SMC3: variants seen among roughly 807,000 people sequenced by gnomAD.
SMC3 encodes structural maintenance of chromosomes 3.
In SMC3, 20 loss-of-function variants were observed where a neutral mutation model predicts 171.8. That is an observed-to-expected ratio of 0.12 (90% CI 0.08 to 0.17). The LOEUF (loss-of-function observed/expected upper bound fraction) is 0.17, where lower values mean the gene tolerates loss of function less well. Ranked by LOEUF, SMC3 falls within the 10% of genes least tolerant of loss-of-function variation. The probability of loss-of-function intolerance (pLI) is 1.00; values close to 1 mark genes in which losing one functional copy is unlikely to be tolerated. For missense variants in SMC3, 543 were observed against 1,420.4 expected, an observed-to-expected ratio of 0.38 and a Z score of 9.93; for synonymous variants, 464 against 451.1, an observed-to-expected ratio of 1.03 and a Z score of -0.36.
At chr10:110,573,039 T>C (rs1241240444) in intron 2 of SMC3, among the ~76,000 whole-genome samples, 1 of 152,152 alleles carries the variant, frequency 6.6e-6, no homozygotes, top group East Asian at 1.9e-4. Context: ...TTTTTGAGAT[T>C]TACTTTGCAT....
At chr10:110,594,984 T>A (rs1201744107) in intron 18 of SMC3, among the ~76,000 whole-genome samples, 1 of 148,346 alleles carries the variant, frequency 6.7e-6, no homozygotes, top group East Asian at 2.0e-4. Context: ...GCATATAGTG[T>A]CTTCTCTTTA....
At position 110,574,376 on chromosome 10, in the gene SMC3, A is replaced by G. The variant is rs541748959; in HGVS notation, c.130+631A>G. On this transcript the variant is annotated intron_variant, in intron 3 of 28. Transcript: ENST00000361804. ...CCTTTGAGGAGAAAAACATTTTAAC[A>G]AAATTAGACAGTTAAGGAGTAGGTT... Among the ~76,000 whole-genome samples, 6 of 152,358 alleles carry G rather than the reference A, an allele frequency of 3.9e-5. No homozygotes were observed. In the South Asian group the frequency reaches 1.0e-3, roughly 26 times the overall value.
chr10:110,570,211 T>G (rs1425586558), intron 2 of SMC3, among the ~76,000 whole-genome samples: 1 of 152,200 alleles, frequency 6.6e-6, no homozygotes, highest in Non-Finnish European at 1.5e-5. Flanking sequence ...GGGGTCCCCA[T>G]GTCCAAATAC....
chr10:110,578,552 A>G, intron 6 of SMC3, 76 bp from the exon 7 acceptor site: 1 of 1,024,274 alleles, frequency 9.8e-7, no homozygotes, highest in Non-Finnish European at 1.5e-6. Context: ...GCTATCAACC[A>G]AGGGGCTACT....
Position 110,590,530 on chromosome 10 carries a change from A to G in SMC3, c.1628A>G (p.Glu543Gly), listed in dbSNP as rs1379152281. ...HGIVMNNFEC[E>G]PAFYTCVEVT... is the part of the protein sequence containing the mutation. ...ATTGTAATGAATAACTTTGAATGTG[A>G]ACCAGCTTTCTACACATGCGTGGAA... Residue 543 changes from glutamate to glycine, a missense_variant, in exon 16 of 29, where the codon GAA (glutamate) becomes GGA (glycine). Physicochemically the swap from Glu to Gly is moderately conservative, Grantham distance 98. Coordinates refer to ENST00000361804, the MANE Select transcript of SMC3 (RefSeq NM_005445.4). 6.2e-7 allele frequency: 1 copy of G among 1,614,034 alleles called. No individual in the cohort carries two copies. The highest frequency in any genetic ancestry group is 8.5e-7 in the Non-Finnish European group (1 of 1,179,984).
intron 19 of SMC3, among the ~76,000 whole-genome samples, chr10:110,597,143 CAAAAA>C (rs11347729): frequency 6.6e-5 from 9 of 135,342 alleles, no homozygotes; most frequent in African/African-American, 1.9e-4. Context: ...GACCCTGTCT[CAAAAA>C]AAAAAAAAAA....
intron 14 of SMC3, 31 bp from the exon 15 acceptor site, chr10:110,589,861 A>C (rs761710090): frequency 6.3e-7 from 1 of 1,587,858 alleles, no homozygotes; most frequent in Non-Finnish European, 8.6e-7. Context: ...ATGTGTTTAA[A>C]ATTAAAGACA....
chr10:110,596,238 AAAAATC>A (rs1211732546), intron 18 of SMC3, among the ~76,000 whole-genome samples, 154 bp from the exon 19 acceptor site: 1 of 151,800 alleles, frequency 6.6e-6, no homozygotes, highest in Non-Finnish European at 1.5e-5. Context: ...AAAAAAAAAA[AAAAATC>A]TAGCATTGAA....
chr10:110,584,500 C>T, intron 13 of SMC3, 104 bp downstream of exon 13: 2 of 774,724 alleles, frequency 2.6e-6, no homozygotes, highest in Middle Eastern at 3.7e-4. Context: ...ACATGTTGCT[C>T]TTAAAATATA....
At chr10:110,580,452 G>C (rs1444063823) in intron 7 of SMC3, among the ~76,000 whole-genome samples, 1 of 152,188 alleles carries the variant, frequency 6.6e-6, no homozygotes, top group Non-Finnish European at 1.5e-5. Context: ...TATTCATAAA[G>C]GAGAGTTATG....
In SMC3 at chr10:110,584,210, G is replaced by T. The variant is rs993737986; in HGVS notation, c.1119G>T (p.Thr373=). The T allele has an allele frequency of 3.7e-6, 6 of 1,612,624 alleles. No homozygotes were observed. In the African/African-American group the frequency reaches 6.7e-5, roughly 18 times the overall value. The part of the protein sequence containing the change: ...ARLAQATQER[T]DLYAKQGRGS... ...TGGCTCAAGCTACCCAGGAAAGAAC[G>T]GATCTTTATGCAAAGCAGGGTCGAG... The change falls in exon 13 of 29, where the codon ACG becomes ACT. Residue 373 remains threonine, a synonymous_variant. Coordinates refer to ENST00000361804, the MANE Select transcript of SMC3 (RefSeq NM_005445.4).
intron 10 of SMC3, 139 bp from the exon 11 acceptor site, chr10:110,583,245 T>C: frequency 1.4e-6 from 1 of 716,620 alleles, no homozygotes; most frequent in African/African-American, 1.8e-5. Flanking sequence ...ATGGAATGAT[T>C]ACACAAGGGA....
chr10:110,568,425 C>G (rs901692292), intron 1 of SMC3: 1 of 166,938 alleles, frequency 6.0e-6, no homozygotes, highest in African/African-American at 2.4e-5. Flanking sequence ...ATGGTCTTCC[C>G]GCGCGGGACT....
In SMC3 at chr10:110,600,544, C is replaced by A; in HGVS notation, c.2533C>A (p.Gln845Lys). The A allele has an allele frequency of 2.8e-6, 4 of 1,453,660 alleles. No individual in the cohort carries two copies. Among genetic ancestry groups the A allele is most frequent in the Non-Finnish European group, 3.9e-6 (4 of 1,035,706 alleles). The allele number at this position is 1,453,660 out of a possible 1,614,324, so 90.0% of individuals were successfully genotyped here. Residue 845 changes from glutamine (Q) to lysine (K), a missense_variant and splice_region_variant, in exon 22 of 29, where the codon CAG becomes AAG. Gln to Lys is a moderately conservative substitution (Grantham distance 53, BLOSUM62 1). Around this residue, in one of 8 missense-constraint regions of SMC3, gnomAD observed 33 missense variants for 33.6 expected, o/e 0.98. Coordinates refer to ENST00000361804, the MANE Select transcript of SMC3 (RefSeq NM_005445.4). ...NLRKRLDQVE[Q>K]ELNELRETEG... ...GAGAAAACGCTTGGACCAAGTAGAA[C>A]AGGTGTGTATGTGTTTTTTTTTTTT...
At chr10:110,578,008 C>T in intron 6 of SMC3, 94 bp downstream of exon 6, 1 of 829,492 alleles carries the variant, frequency 1.2e-6, no homozygotes, top group Non-Finnish European at 2.0e-6. Flanking sequence ...GAACTCTTGG[C>T]CTCAAATGAT....
At chr10:110,571,753 A>G (rs1385411673) in intron 2 of SMC3, among the ~76,000 whole-genome samples, 3 of 152,114 alleles carry the variant, frequency 2.0e-5, no homozygotes. Flanking sequence ...GTCTTTGTAT[A>G]CATCTTTTTA....
intron 9 of SMC3, 83 bp downstream of exon 9, chr10:110,582,181 T>A: frequency 8.4e-7 from 1 of 1,196,202 alleles, no homozygotes; most frequent in Admixed American, 1.9e-5. Context: ...ATTACACTTT[T>A]CAGTGATTTT....
chr10:110,599,707 A>G lies in SMC3; in HGVS notation c.2322A>G (p.Arg774=), dbSNP rs1423122493. 1 of 1,614,184 alleles carries G rather than the reference A, an allele frequency of 6.2e-7. No homozygotes were observed. ...GCTTGCATGCTATGGAGTCTACCAG[A>G]GAGTCATTGAAAGCAGAACTGGGAA... ...EASLHAMEST[R]ESLKAELGTD... The change falls in exon 21 of 29, where the codon AGA becomes AGG. Residue 774 remains arginine (R), a synonymous_variant. Coordinates refer to ENST00000361804, the MANE Select transcript of SMC3 (RefSeq NM_005445.4).
rs1261750314 is a variant in SMC3 at position 110,584,179 on chromosome 10, G to A, written c.1092-4G>A. On this transcript the variant is annotated splice_polypyrimidine_tract_variant and splice_region_variant and intron_variant, in intron 12 of 28. Coordinates refer to ENST00000361804, the MANE Select transcript of SMC3 (RefSeq NM_005445.4). ...TTCATCCCATTTGCTTCTATTTTGT[G>A]TAGATTGGCTCAAGCTACCCAGGAA... 5.0e-6 allele frequency: 8 copies of A among 1,613,638 alleles called. No individual in the cohort carries two copies. Among genetic ancestry groups the A allele is most frequent in the Admixed American group, 1.7e-5 (1 of 60,020 alleles).
Sources: allele counts gnomAD v4.1 joint callset (sites outside exome capture counted in the v4.1 genomes callset), GRCh38; gene constraint gnomAD v4.1.1; regional missense constraint gnomAD v4.1.1; transcripts MANE v1.5; gene names NCBI Gene and HGNC (gene_info 2026-07-23, HGNC 2026-07-21).